FILIP1L: variants seen among roughly 807,000 people sequenced by gnomAD.
FILIP1L encodes filamin A interacting protein 1 like, also known as filamin A-interacting protein 1-like.
In FILIP1L, 55 loss-of-function variants were observed where a neutral mutation model predicts 96.6. The observed-to-expected ratio is 0.57, with a 90% CI of 0.46 to 0.71. The LOEUF is 0.71. Ranked by LOEUF, FILIP1L falls within the 30% of genes least tolerant of loss-of-function variation. The pLI is 0.00. For synonymous variants in FILIP1L, 467 were observed against 473.9 expected (o/e 0.99, Z 0.19); for missense variants, 1,304 against 1,321.2 (o/e 0.99, Z 0.20).
At chr3:100,020,240 A>G (rs2064783009) in intron 1 of FILIP1L, among the ~76,000 whole-genome samples, 2 of 152,214 alleles carry the variant, frequency 1.3e-5, no homozygotes, top group African/African-American at 2.4e-5. Context: ...AATTCTTTGC[A>G]ATTTACTTCA....
chr3:100,065,170 G>A (rs1181228686), intron 1 of FILIP1L, among the ~76,000 whole-genome samples: 5 of 152,130 alleles, frequency 3.3e-5, no homozygotes, highest in East Asian at 3.9e-4. Context: ...GTAACAATGC[G>A]GGTTCCCAGG....
intron 4 of FILIP1L, among the ~76,000 whole-genome samples, chr3:99,856,810 T>C (rs556059959): frequency 6.6e-6 from 1 of 152,370 alleles, no homozygotes; most frequent in South Asian, 2.1e-4. Context: ...GATGTGTGCC[T>C]ATATTTTATC....
chr3:100,066,766 C>G (rs866692507), intron 1 of FILIP1L, among the ~76,000 whole-genome samples: 1 of 94,522 alleles, frequency 1.1e-5, no homozygotes, highest in Non-Finnish European at 2.5e-5. Context: ...CTCCTGACCT[C>G]GTGATCCGCC....
At chr3:99,854,338 C>CA (rs1211169617) in intron 4 of FILIP1L, among the ~76,000 whole-genome samples, 1 of 152,162 alleles carries the variant, frequency 6.6e-6, no homozygotes, top group African/African-American at 2.4e-5. Flanking sequence ...TTATCATGAA[C>CA]TCTCGGTTTG....
At chr3:100,079,069 T>C (rs1039235199) in intron 1 of FILIP1L, among the ~76,000 whole-genome samples, 5 of 152,118 alleles carry the variant, frequency 3.3e-5, no homozygotes, top group African/African-American at 4.8e-5. Flanking sequence ...ACCTCTGCAA[T>C]AGCATTCAGC....
intron 1 of FILIP1L, among the ~76,000 whole-genome samples, chr3:100,093,026 T>A (rs1208725350): frequency 6.6e-6 from 1 of 152,046 alleles, no homozygotes; most frequent in Non-Finnish European, 1.5e-5. Context: ...GTTTCATAAA[T>A]ACGTTGAAGG....
chr3:99,851,732 T>C (rs1943706945), intron 4 of FILIP1L, among the ~76,000 whole-genome samples: 1 of 152,198 alleles, frequency 6.6e-6, no homozygotes, highest in South Asian at 2.1e-4. Flanking sequence ...AAGAAAAAAT[T>C]TAGTCACATT....
Position 99,848,353 on chromosome 3 carries a change from G to T in FILIP1L, c.3323C>A (p.Thr1108Asn). Residue 1108 changes from threonine (T) to asparagine (N), a missense_variant, in exon 5 of 6, where the codon ACC becomes AAC. By Grantham distance (65) the Thr-to-Asn change is moderately conservative. Coordinates refer to ENST00000477258, the MANE Select transcript of FILIP1L (RefSeq NM_001387850.1). ...GALNKTTNKV[T>N]SSITITPTAT... is the part of the protein sequence containing the mutation. ...TGTTGGTGTGATAGTAATACTGCTG[G>T]TGACTTTATTGGTTGTTTTGTTTAG... 6.2e-7 allele frequency: 1 copy of T among 1,614,158 alleles called. No homozygotes were observed. Among genetic ancestry groups the T allele is most frequent in the Non-Finnish European group, 8.5e-7 (1 of 1,180,010 alleles).
intron 5 of FILIP1L, among the ~76,000 whole-genome samples, chr3:99,845,507 A>G (rs1943325492): frequency 6.6e-6 from 1 of 152,120 alleles, no homozygotes; most frequent in African/African-American, 2.4e-5. Context: ...TCATATGAAG[A>G]TTTCTGAAGA....
intron 1 of FILIP1L, among the ~76,000 whole-genome samples, chr3:100,050,788 C>T (rs2065357953): frequency 6.6e-6 from 1 of 152,148 alleles, no homozygotes; most frequent in African/African-American, 2.4e-5. Flanking sequence ...CCTTGACCTC[C>T]CAAAGTGCTG....
At chr3:99,934,913 A>T (rs914156343) in intron 1 of FILIP1L, among the ~76,000 whole-genome samples, 2 of 152,256 alleles carry the variant, frequency 1.3e-5, no homozygotes, top group Admixed American at 1.3e-4. Context: ...GGATAGTAGC[A>T]TCAACATTCT....
At chr3:99,921,321 G>A (rs984433928) in intron 4 of FILIP1L, among the ~76,000 whole-genome samples, 4 of 152,086 alleles carry the variant, frequency 2.6e-5, no homozygotes, top group Admixed American at 6.5e-5. Flanking sequence ...TTCCTGTTTC[G>A]TTAGATGGTA....
At position 99,849,790 on chromosome 3, in the gene FILIP1L, G is replaced by C. The variant is rs79320113; in HGVS notation, c.1886C>G (p.Ser629Cys). The C allele has an allele frequency of 2.8e-4, 446 of 1,613,456 alleles. 1 individual carries two copies. The African/African-American group carries it at 5.2e-3, about 19-fold the overall frequency. The change falls in exon 5 of 6, where the codon TCT becomes TGT. Residue 629 changes from serine (S) to cysteine (C), a missense_variant. Coordinates refer to ENST00000477258, the MANE Select transcript of FILIP1L (RefSeq NM_001387850.1). ...HQENNKIKELSQEVERLKLKL... is the reference protein window; with the variant it reads ...HQENNKIKELCQEVERLKLKL... ...CAGTTTCAGTCTTTCCACTTCTTGA[G>C]AGAGCTCCTTAATCTTATTGTTTTC...
chr3:100,113,908 A>G (rs977574750), intron 1 of FILIP1L, 145 bp downstream of exon 1: 9 of 152,138 alleles, frequency 5.9e-5, no homozygotes, highest in African/African-American at 2.2e-4. Flanking sequence ...ATCATCTGTC[A>G]TAAGCTCTTA....
chr3:99,946,086 T>G lies in FILIP1L; in HGVS notation c.-10-15056A>C, dbSNP rs530594063. Among the ~76,000 whole-genome samples, 3 of 152,348 alleles carry G rather than the reference T, an allele frequency of 2.0e-5. No individual in the cohort carries two copies. The South Asian group carries it at 6.2e-4, about 32-fold the overall frequency. ...TGGTCTTGGTTCATCAGATAATATA[T>G]GCTTTATGATAGTCATTCTCAACCT... On this transcript the variant is annotated intron_variant, in intron 1 of 5. Transcript: ENST00000477258.
Position 99,850,976 on chromosome 3 carries a change from T to G in FILIP1L, c.700A>C (p.Lys234Gln). Residue 234 changes from lysine to glutamine, a missense_variant, in exon 5 of 6, where the codon AAG (lysine) becomes CAG (glutamine). By Grantham distance (53) the Lys-to-Gln change is moderately conservative. Coordinates refer to ENST00000477258, the MANE Select transcript of FILIP1L (RefSeq NM_001387850.1). ...RVTTLKEELT[K>Q]LKSFALMVVD... ...ACCATCAAAGCAAAAGACTTCAGCT[T>G]GGTCAGCTCCTCTTTCAGGGTGGTG... The G allele has an allele frequency of 2.5e-6, 4 of 1,614,156 alleles. No homozygotes were observed. The highest frequency in any genetic ancestry group is 3.4e-6 in the Non-Finnish European group (4 of 1,180,022).
chr3:99,950,399 G>C (rs1653768532), intron 1 of FILIP1L, among the ~76,000 whole-genome samples: 1 of 152,154 alleles, frequency 6.6e-6, no homozygotes, highest in African/African-American at 2.4e-5. Flanking sequence ...TCAGAACTTA[G>C]AAAAGTTAAG....
chr3:99,885,082 C>T (rs1277182987), intron 4 of FILIP1L, among the ~76,000 whole-genome samples: 1 of 152,206 alleles, frequency 6.6e-6, no homozygotes, highest in South Asian at 2.1e-4. Context: ...CAACTATAGG[C>T]TCAGTCACTT....
intron 5 of FILIP1L, among the ~76,000 whole-genome samples, chr3:99,843,211 A>G (rs1943210489): frequency 6.6e-6 from 1 of 152,186 alleles, no homozygotes; most frequent in Non-Finnish European, 1.5e-5. Context: ...TTCCCAAGAA[A>G]TGCTACAGAT....
Sources: allele counts gnomAD v4.1 joint callset (sites outside exome capture counted in the v4.1 genomes callset), GRCh38; gene constraint gnomAD v4.1.1; transcripts MANE v1.5; gene names NCBI Gene and HGNC (gene_info 2026-07-23, HGNC 2026-07-21).